MAGI2: variants seen among roughly 807,000 people sequenced by gnomAD.
MAGI2 encodes membrane-associated guanylate kinase, WW and PDZ domain-containing protein 2.
Under a neutral mutation model 133.3 loss-of-function variants are expected in MAGI2, and 35 were observed. That is an observed-to-expected ratio of 0.26 (90% CI 0.20 to 0.35). The LOEUF (loss-of-function observed/expected upper bound fraction) is 0.35. Ranked by LOEUF, MAGI2 falls within the 10% of genes least tolerant of loss-of-function variation. The pLI, the probability that MAGI2 is intolerant of heterozygous loss-of-function variation, is 1.00. For missense variants in MAGI2, 1,636 were observed against 1,863.4 expected (o/e 0.88, Z 2.25); for synonymous variants, 729 against 710.6 (o/e 1.03, Z -0.41).
chr7:78,497,040 T>C (rs777252549), intron 5 of MAGI2, among the ~76,000 whole-genome samples: 19 of 152,202 alleles, frequency 1.2e-4, no homozygotes, highest in Non-Finnish European at 2.6e-4. Context: ...GAACTATTGT[T>C]GTTAAGGTAA....
intron 9 of MAGI2, among the ~76,000 whole-genome samples, chr7:78,266,285 T>C (rs1793995367): frequency 6.6e-6 from 1 of 151,910 alleles, no homozygotes; most frequent in South Asian, 2.1e-4. Flanking sequence ...ACTGCAGTCT[T>C]GACCTTCAGG....
At chr7:78,177,079 C>T (rs1258774619) in intron 14 of MAGI2, among the ~76,000 whole-genome samples, 1 of 151,868 alleles carries the variant, frequency 6.6e-6, no homozygotes, top group Non-Finnish European at 1.5e-5. Flanking sequence ...ATATTATCTC[C>T]TTTAATCCTC....
At chr7:78,149,988 AC>A (rs1823713134) in intron 16 of MAGI2, among the ~76,000 whole-genome samples, 1 of 152,202 alleles carries the variant, frequency 6.6e-6, no homozygotes, top group Non-Finnish European at 1.5e-5. Context: ...CTGACTCATC[AC>A]CCAGAAAAGG....
chr7:78,115,472 AC>A (rs1401092397), intron 20 of MAGI2, among the ~76,000 whole-genome samples: 1 of 152,244 alleles, frequency 6.6e-6, no homozygotes, highest in Non-Finnish European at 1.5e-5. Context: ...AGAAACACAT[AC>A]AGTATAAAGA....
intron 9 of MAGI2, among the ~76,000 whole-genome samples, chr7:78,310,313 T>C (rs548758960): frequency 5.3e-5 from 8 of 152,102 alleles, no homozygotes; most frequent in Non-Finnish European, 8.8e-5. Flanking sequence ...CACGCACCTG[T>C]AGTCCCAGCT....
intron 2 of MAGI2, among the ~76,000 whole-genome samples, chr7:78,933,522 A>T (rs1332071393): frequency 6.6e-6 from 1 of 152,162 alleles, no homozygotes; most frequent in Non-Finnish European, 1.5e-5. Flanking sequence ...GCAAAAAATT[A>T]TACCTTTAGA....
intron 6 of MAGI2, among the ~76,000 whole-genome samples, chr7:78,465,679 A>G (rs562943549): frequency 6.6e-6 from 1 of 152,334 alleles, no homozygotes; most frequent in East Asian, 1.9e-4. Context: ...TCTATGAAAG[A>G]GGCTCTAAAT....
chr7:79,086,656 C>T (rs1816523988), intron 1 of MAGI2, among the ~76,000 whole-genome samples: 1 of 151,646 alleles, frequency 6.6e-6, no homozygotes, highest in Non-Finnish European at 1.5e-5. Context: ...AAAATGTGAT[C>T]TCGCTTTCTT....
intron 2 of MAGI2, among the ~76,000 whole-genome samples, chr7:78,687,969 T>TAAAAAAA (rs72030909): frequency 3.0e-3 from 203 of 67,124 alleles, no homozygotes; most frequent in Non-Finnish European, 3.9e-3. Context: ...GTCCTTGCCT[T>TAAAAAAA]AAAAAAAAAA....
intron 9 of MAGI2, among the ~76,000 whole-genome samples, chr7:78,277,502 T>C (rs1443777132): frequency 6.6e-6 from 1 of 152,140 alleles, no homozygotes; most frequent in Non-Finnish European, 1.5e-5. Context: ...AGGCATGAGA[T>C]GTCCAGAACA....
Position 78,857,924 on chromosome 7 carries a change from T to C in MAGI2, c.418+149166A>G, listed in dbSNP as rs149675835. On this transcript the variant is annotated intron_variant, in intron 2 of 21. Transcript: ENST00000354212. ...GTAGGCCATTAATCATTGCCTCAATTTCAGAACCTGTTATTGATCTAGTCA... is the reference window on the plus strand; with the variant it reads ...GTAGGCCATTAATCATTGCCTCAATCTCAGAACCTGTTATTGATCTAGTCA... Among the ~76,000 whole-genome samples, 153 of 152,284 alleles carry C rather than the reference T, an allele frequency of 1.0e-3. 6 individuals are homozygous for C. In the East Asian group the frequency reaches 0.026, roughly 26 times the overall value.
intron 1 of MAGI2, among the ~76,000 whole-genome samples, chr7:79,136,076 A>AGAAAGAAG (rs1562929233): frequency 2.1e-3 from 193 of 90,800 alleles, no homozygotes; most frequent in African/African-American, 8.1e-3. Flanking sequence ...AAGGAAAGAA[A>AGAAAGAAG]GAAAGAAAGA....
At chr7:78,583,996 G>A (rs1287217663) in intron 3 of MAGI2, among the ~76,000 whole-genome samples, 1 of 152,190 alleles carries the variant, frequency 6.6e-6, no homozygotes, top group Non-Finnish European at 1.5e-5. Flanking sequence ...CTAAATAGCA[G>A]AGGTCAGTCA....
rs1849448133 is a variant in MAGI2, at chr7:79,453,550, T to C, written c.-230A>G. The stretch of plus-strand genomic sequence containing the variant: ...TAGGAGAGCTTGGATGAGGTTGTGC[T>C]GTCCCTTGAATGACACTCAAGGCTG... On this transcript the variant is annotated 5_prime_UTR_variant, in exon 1 of 22. Transcript: ENST00000354212. The C allele has an allele frequency of 7.7e-7, 1 of 1,302,926 alleles. No individual in the cohort carries two copies. The highest frequency in any genetic ancestry group is 1.5e-5 in the African/African-American group (1 of 66,016). The allele number at this position is 1,302,926 out of a possible 1,614,324, so 80.7% of individuals were successfully genotyped here.
chr7:79,075,868 C>G (rs528800227), intron 1 of MAGI2, among the ~76,000 whole-genome samples: 3 of 152,146 alleles, frequency 2.0e-5, no homozygotes, highest in African/African-American at 7.2e-5. Context: ...TAAACAACAC[C>G]ACATAAATTG....
chr7:79,418,861 ACACACACG>A (rs1441834089), intron 1 of MAGI2, among the ~76,000 whole-genome samples: 13 of 129,598 alleles, frequency 1.0e-4, no homozygotes, highest in South Asian at 2.3e-4. Flanking sequence ...ACACACACAC[ACACACACG>A]CACACACACA....
chr7:79,134,634 C>T (rs542547415), intron 1 of MAGI2, among the ~76,000 whole-genome samples: 160 of 152,200 alleles, frequency 1.1e-3, no homozygotes, highest in Non-Finnish European at 1.8e-3. Flanking sequence ...TTTTAAAATT[C>T]AATTATGGCA....
chr7:79,378,116 T>C (rs1843505127), intron 1 of MAGI2, among the ~76,000 whole-genome samples: 1 of 151,822 alleles, frequency 6.6e-6, no homozygotes, highest in African/African-American at 2.4e-5. Flanking sequence ...CTTAGCCAGC[T>C]GTGATGTAAA....
chr7:78,416,667 C>T (rs963704574), intron 6 of MAGI2, among the ~76,000 whole-genome samples: 1 of 152,122 alleles, frequency 6.6e-6, no homozygotes, highest in African/African-American at 2.4e-5. Flanking sequence ...GAATCTTAAT[C>T]CCCATTAAGA....
Sources: gnomAD v4.1 joint callset for allele counts (sites outside exome capture counted in the v4.1 genomes callset) on GRCh38, gnomAD v4.1.1 for gene constraint, MANE v1.5 for transcripts, NCBI Gene and HGNC (gene_info 2026-07-23, HGNC 2026-07-21) for gene names.